The following SFRP1 variants were observed in gnomAD, a reference collection of about 807,000 sequenced individuals.
The protein encoded by SFRP1 is secreted frizzled-related protein 1.
A neutral mutation model predicts 25.9 loss-of-function variants in SFRP1; 9 were observed. The ratio of observed to expected loss-of-function variants is 0.35; its 90% confidence interval spans 0.21 to 0.61. The LOEUF is 0.61. SFRP1 is among the 20% of genes least tolerant of loss of function. The probability of loss-of-function intolerance (pLI) is 0.78; values close to 1 mark genes in which losing one functional copy is unlikely to be tolerated. For missense variants in SFRP1, 346 were observed against 418.2 expected, an observed-to-expected ratio of 0.83 and a Z score of 1.51; for synonymous variants, 178 against 174.0, an observed-to-expected ratio of 1.02 and a Z score of -0.18.
At chr8:41,307,996 G>T (rs770653526) in intron 1 of SFRP1, among the ~76,000 whole-genome samples, 10 of 152,234 alleles carry the variant, frequency 6.6e-5, no homozygotes, top group Non-Finnish European at 1.3e-4. Flanking sequence ...CCTGGAAGGG[G>T]TGGAGAAACA....
At chr8:41,305,556 CA>C (rs1232956203) in intron 1 of SFRP1, among the ~76,000 whole-genome samples, 2 of 152,318 alleles carry the variant, frequency 1.3e-5, no homozygotes, top group African/African-American at 2.4e-5. Flanking sequence ...ACCTGCGCCT[CA>C]TTGGTGCGTC....
chr8:41,302,373 G>A (rs576053513), intron 2 of SFRP1, among the ~76,000 whole-genome samples: 1 of 152,242 alleles, frequency 6.6e-6, no homozygotes, highest in African/African-American at 2.4e-5. Flanking sequence ...CCACATGTGT[G>A]CAGCTTACTT....
At position 41,264,305 on chromosome 8, in the gene SFRP1, C is replaced by G. The variant is rs909255744; in HGVS notation, c.*862G>C. 6.6e-6 allele frequency: 1 copy of G among 152,240 alleles called. No homozygotes were observed. Among genetic ancestry groups the G allele is most frequent in the Non-Finnish European group, 1.5e-5 (1 of 68,040 alleles). 9.4% of individuals were successfully genotyped at this position (152,240 alleles called of 1,614,324 possible). ...CTGACTAGCAATTTGCTGGACTGTT[C>G]TAAAATTTTTTTCATTTGTTTCTTT... On this transcript the variant is annotated 3_prime_UTR_variant, in exon 3 of 3. Transcript: ENST00000220772.
chr8:41,268,544 T>C (rs1299865104), intron 2 of SFRP1, among the ~76,000 whole-genome samples: 1 of 152,210 alleles, frequency 6.6e-6, no homozygotes, highest in Non-Finnish European at 1.5e-5. Flanking sequence ...AGTATGGGAA[T>C]GTGTTACACA....
At chr8:41,302,650 G>A (rs1302522734) in intron 2 of SFRP1, among the ~76,000 whole-genome samples, 1 of 152,174 alleles carries the variant, frequency 6.6e-6, no homozygotes, top group East Asian at 1.9e-4. Flanking sequence ...GAGGGAGCTG[G>A]CCCTCCAAAG....
chr8:41,292,608 T>C (rs1056937474), intron 2 of SFRP1, among the ~76,000 whole-genome samples: 1 of 152,116 alleles, frequency 6.6e-6, no homozygotes, highest in Non-Finnish European at 1.5e-5. Context: ...AACAAACTAA[T>C]ACAATTATGG....
At chr8:41,266,038 C>T (rs958604894) in intron 2 of SFRP1, among the ~76,000 whole-genome samples, 111 of 152,136 alleles carry the variant, frequency 7.3e-4, no homozygotes, top group African/African-American at 2.4e-3. Context: ...TGGTGGCAGG[C>T]GCCCATAATC....
intron 2 of SFRP1, among the ~76,000 whole-genome samples, chr8:41,295,156 T>A (rs899116790): frequency 1.3e-5 from 2 of 151,644 alleles, no homozygotes; most frequent in African/African-American, 2.4e-5. Context: ...AGGTCAGGAG[T>A]TCAAGACCAG....
intron 2 of SFRP1, among the ~76,000 whole-genome samples, chr8:41,267,611 T>A (rs1423659182): frequency 3.9e-5 from 6 of 152,242 alleles, no homozygotes; most frequent in African/African-American, 4.8e-5. Flanking sequence ...TATGAAAGCA[T>A]GTGACCTGCC....
intron 2 of SFRP1, among the ~76,000 whole-genome samples, chr8:41,290,884 G>GTTTT (rs1395442969): frequency 1.5e-4 from 4 of 27,466 alleles, no homozygotes; most frequent in Non-Finnish European, 1.7e-4. Flanking sequence ...CCTCTTCCTC[G>GTTTT]TCTTTTTTTT....
rs112005233 is a variant in SFRP1 at position 41,303,633 on chromosome 8, A to C, written c.545-95T>G. On this transcript the variant is annotated intron_variant, in intron 1 of 2. Transcript: ENST00000220772. ...AGATCGGCCCTGGGTCCAGGCTGAA[A>C]GTGGCTAAAGGTCTTCTGGAACTTC... 5 of 944,982 alleles carry C rather than the reference A, an allele frequency of 5.3e-6. No individual in the cohort carries two copies. In the East Asian group the frequency reaches 7.4e-5, roughly 14 times the overall value. 58.5% of individuals were successfully genotyped at this position (944,982 alleles called of 1,614,324 possible).
Position 41,265,112 on chromosome 8 carries a change from T to TCCCCCCCCCCCCCCCC in SFRP1, c.*54_*55insGGGGGGGGGGGGGGGG. Reference sequence around the variant, plus strand: ...GACCCACCGGGTTCCCGGGGCACTGTCCCCCCCGCTCCCACCCCACCCGAG... The same window carrying TCCCCCCCCCCCCCCCC: ...GACCCACCGGGTTCCCGGGGCACTGTCCCCCCCCCCCCCCCCCCCCCCCGCTCCCACCCCACCCGAG... On this transcript the variant is annotated 3_prime_UTR_variant, in exon 3 of 3. Coordinates refer to ENST00000220772, the MANE Select transcript of SFRP1 (RefSeq NM_003012.5). 7 of 517,772 alleles carry TCCCCCCCCCCCCCCCC rather than the reference T, an allele frequency of 1.4e-5. No homozygotes were observed. Among genetic ancestry groups the TCCCCCCCCCCCCCCCC allele is most frequent in the African/African-American group, 3.9e-5 (2 of 50,660 alleles). The allele number at this position is 517,772 out of a possible 1,614,324, so 32.1% of individuals were successfully genotyped here. A position where few individuals can be genotyped will look rare whatever the true frequency, so the allele number is the denominator to read the frequency against.
chr8:41,279,214 A>G (rs1803605787), intron 2 of SFRP1, among the ~76,000 whole-genome samples: 1 of 152,088 alleles, frequency 6.6e-6, no homozygotes, highest in African/African-American at 2.4e-5. Context: ...GGGGCACACA[A>G]ATGAACAGAG....
At chr8:41,286,383 C>T (rs1440981504) in intron 2 of SFRP1, among the ~76,000 whole-genome samples, 3 of 152,320 alleles carry the variant, frequency 2.0e-5, no homozygotes, top group Admixed American at 2.0e-4. Flanking sequence ...CGCACAAACA[C>T]AGGGACACAA....
At chr8:41,280,957 T>C (rs972762175) in intron 2 of SFRP1, among the ~76,000 whole-genome samples, 1 of 152,222 alleles carries the variant, frequency 6.6e-6, no homozygotes, top group Non-Finnish European at 1.5e-5. Flanking sequence ...ATTCTTTTAA[T>C]GTTCCAAGTA....
intron 2 of SFRP1, among the ~76,000 whole-genome samples, chr8:41,274,663 C>G (rs965505223): frequency 2.0e-5 from 3 of 152,108 alleles, no homozygotes; most frequent in African/African-American, 7.2e-5. Context: ...GAAGAAATCA[C>G]TAAAATACTT....
chr8:41,308,054 C>T (rs544993305), intron 1 of SFRP1, among the ~76,000 whole-genome samples: 1 of 152,172 alleles, frequency 6.6e-6, no homozygotes, highest in Non-Finnish European at 1.5e-5. Flanking sequence ...TGCAGCAATC[C>T]CAAGGCTACT....
intron 2 of SFRP1, among the ~76,000 whole-genome samples, chr8:41,290,884 G>GTATTTT (rs1395442969): frequency 3.6e-5 from 1 of 27,468 alleles, no homozygotes; most frequent in Non-Finnish European, 8.3e-5. Flanking sequence ...CCTCTTCCTC[G>GTATTTT]TCTTTTTTTT....
At chr8:41,280,881 C>A (rs754535857) in intron 2 of SFRP1, among the ~76,000 whole-genome samples, 2 of 152,178 alleles carry the variant, frequency 1.3e-5, no homozygotes, top group African/African-American at 4.8e-5. Context: ...CTCCCAGAAG[C>A]GTTCCTAGCA....
Sources: allele counts gnomAD v4.1 joint callset (sites outside exome capture counted in the v4.1 genomes callset), GRCh38; gene constraint gnomAD v4.1.1; transcripts MANE v1.5; gene names NCBI Gene and HGNC (gene_info 2026-07-23, HGNC 2026-07-21).